Variants in G3BP1 observed in about 807,000 individuals in gnomAD.
G3BP1 encodes ras GTPase-activating protein-binding protein 1.
In G3BP1, 35 loss-of-function variants were observed where a neutral mutation model predicts 58.6. The observed-to-expected ratio is 0.60, with a 90% CI of 0.46 to 0.79. The LOEUF is 0.79. G3BP1 is among the 30% of genes least tolerant of loss of function. The pLI is 0.00. For synonymous variants in G3BP1, 191 were observed against 195.4 expected, an observed-to-expected ratio of 0.98 and a Z score of 0.19; for missense variants, 523 against 580.8, an observed-to-expected ratio of 0.90 and a Z score of 1.02.
Position 151,799,988 on chromosome 5 carries a change from G to A in G3BP1, c.943G>A (p.Gly315Arg). 2.5e-6 allele frequency: 4 copies of A among 1,603,176 alleles called. No homozygotes were observed. The South Asian group carries it at 3.3e-5, about 13-fold the overall frequency. The change falls in exon 9 of 12, where the codon GGA (glycine) becomes AGA (arginine). Residue 315 changes from glycine (G) to arginine (R), a missense_variant. Physicochemically the swap from Gly to Arg is moderately radical, Grantham distance 125 (BLOSUM62 -2). Around this residue, in one of 2 missense-constraint regions of G3BP1, gnomAD observed 398 missense variants for 399.1 expected, o/e 1.00. Transcript: ENST00000356245. Reference protein sequence around the residue: ...EQRINIPPQRGPRPIREAGEQ... With the variant: ...EQRINIPPQRRPRPIREAGEQ... The stretch of plus-strand genomic sequence containing the variant: ...ACGAATAAATATTCCTCCCCAAAGG[G>A]GACCCAGACCAAGTAAGAGCTCAGA...
chr5:151,776,500 C>T (rs1228751565), intron 1 of G3BP1, among the ~76,000 whole-genome samples: 2 of 151,966 alleles, frequency 1.3e-5, no homozygotes, highest in African/African-American at 4.8e-5. Context: ...AAATAAAGTT[C>T]CCCTCCTTAA....
At chr5:151,793,069 C>G (rs1762687897) in intron 4 of G3BP1, among the ~76,000 whole-genome samples, 1 of 152,054 alleles carries the variant, frequency 6.6e-6, no homozygotes, top group Admixed American at 6.6e-5. Context: ...TTTTTGGAGA[C>G]AGACTTGGGG....
chr5:151,807,565 G>GT lies in G3BP1; in HGVS notation c.*3480dup, dbSNP rs971144679. 3.4e-4 allele frequency: 52 copies of GT among 152,246 alleles called. No homozygotes were observed. The highest frequency in any genetic ancestry group is 1.2e-3 in the African/African-American group (51 of 41,542). The allele number at this position is 152,246 out of a possible 1,614,324, so 9.4% of individuals were successfully genotyped here. On this transcript the variant is annotated 3_prime_UTR_variant, in exon 12 of 12. Transcript: ENST00000356245. ...CACAATAATGGTGGTTTGTTTTTAA[G>GT]TTTTTTCTCATCAGGTTTGATAATT...
intron 1 of G3BP1, among the ~76,000 whole-genome samples, chr5:151,774,814 G>C (rs909972653): frequency 6.6e-6 from 1 of 152,094 alleles, no homozygotes; most frequent in Non-Finnish European, 1.5e-5. Flanking sequence ...CAGTACTCCA[G>C]TACAAGCCCT....
At chr5:151,790,266 G>T in intron 2 of G3BP1, 57 bp from the exon 3 acceptor site, 3 of 935,984 alleles carry the variant, frequency 3.2e-6, no homozygotes, top group Non-Finnish European at 4.9e-6. Flanking sequence ...TATCAGACGT[G>T]AAAAATAAAC....
chr5:151,802,394 A>C (rs1467227158), intron 11 of G3BP1, among the ~76,000 whole-genome samples: 2 of 152,170 alleles, frequency 1.3e-5, no homozygotes, highest in Non-Finnish European at 2.9e-5. Context: ...TCCCTTCACT[A>C]ATTTTTTGTG....
intron 7 of G3BP1, among the ~76,000 whole-genome samples, chr5:151,798,526 G>A (rs1319580006): frequency 6.6e-6 from 1 of 152,204 alleles, no homozygotes; most frequent in Non-Finnish European, 1.5e-5. Flanking sequence ...TTTTAAATGT[G>A]CGAGAAAGGT....
At chr5:151,776,842 C>T (rs1357003563) in intron 1 of G3BP1, among the ~76,000 whole-genome samples, 3 of 150,518 alleles carry the variant, frequency 2.0e-5, no homozygotes, top group Non-Finnish European at 4.4e-5. Flanking sequence ...GCTGGGATTA[C>T]AGGTGTGAGC....
At chr5:151,794,735 G>C (rs1010356814) in intron 5 of G3BP1, among the ~76,000 whole-genome samples, 1 of 152,258 alleles carries the variant, frequency 6.6e-6, no homozygotes, top group Non-Finnish European at 1.5e-5. Flanking sequence ...CATGGAAGAT[G>C]TGTAGACACA....
At position 151,804,913 on chromosome 5, in the gene G3BP1, G is replaced by A. The variant is rs1762916227; in HGVS notation, c.*822G>A. 1 of 152,296 alleles carries A rather than the reference G, an allele frequency of 6.6e-6. No individual in the cohort carries two copies. Among genetic ancestry groups the A allele is most frequent in the Non-Finnish European group, 1.5e-5 (1 of 67,946 alleles). 9.4% of individuals were successfully genotyped at this position (152,296 alleles called of 1,614,324 possible). A position where few individuals can be genotyped will look rare whatever the true frequency, so the allele number is the denominator to read the frequency against. On this transcript the variant is annotated 3_prime_UTR_variant, in exon 12 of 12. Coordinates refer to ENST00000356245, the MANE Select transcript of G3BP1 (RefSeq NM_005754.3). The stretch of plus-strand genomic sequence containing the variant: ...TGCCTTCTATTTATCTTTGATTTCA[G>A]TCTTGGCAATTGTTTAAAAAAAAAA...
intron 1 of G3BP1, among the ~76,000 whole-genome samples, chr5:151,773,179 T>A (rs559325666): frequency 3.9e-5 from 6 of 152,244 alleles, no homozygotes; most frequent in African/African-American, 1.4e-4. Flanking sequence ...ACTTTTTTTT[T>A]AATTGGAGGA....
intron 8 of G3BP1, 24 bp from the exon 9 acceptor site, chr5:151,799,865 A>G: frequency 7.1e-7 from 1 of 1,404,414 alleles, no homozygotes; most frequent in Non-Finnish European, 1.0e-6. Flanking sequence ...GTTTTAACAC[A>G]AAAGTTAACT....
intron 4 of G3BP1, among the ~76,000 whole-genome samples, chr5:151,793,729 C>T (rs1316464089): frequency 6.7e-6 from 1 of 148,878 alleles, no homozygotes; most frequent in African/African-American, 2.5e-5. Context: ...CATGCTGGCT[C>T]ATACCCATAA....
intron 10 of G3BP1, 36 bp downstream of exon 10, chr5:151,800,382 G>A (rs1420644876): frequency 3.2e-6 from 5 of 1,549,678 alleles, no homozygotes; most frequent in East Asian, 2.2e-5. Context: ...AATTCATCTA[G>A]TGTCTCTCTA....
chr5:151,799,146 A>T, intron 7 of G3BP1, 66 bp from the exon 8 acceptor site: 1 of 808,976 alleles, frequency 1.2e-6, no homozygotes, highest in Middle Eastern at 2.2e-4. Flanking sequence ...GGAAATCAAG[A>T]GTTAGTAGCT....
chr5:151,781,121 T>C (rs935731804), intron 1 of G3BP1, among the ~76,000 whole-genome samples: 3 of 152,176 alleles, frequency 2.0e-5, no homozygotes, highest in African/African-American at 7.2e-5. Context: ...ATTTCATGAA[T>C]GCATAAAATA....
intron 10 of G3BP1, 108 bp from the exon 11 acceptor site, chr5:151,800,652 A>G: frequency 2.8e-6 from 2 of 725,414 alleles, no homozygotes; most frequent in South Asian, 1.7e-5. Context: ...TTATAATTCA[A>G]GTGCTCAGTA....
At chr5:151,788,799 CAG>C (rs202223739) in intron 2 of G3BP1, among the ~76,000 whole-genome samples, 2,285 of 148,672 alleles carry the variant, frequency 0.015, 26 homozygotes, top group Middle Eastern at 0.027. Flanking sequence ...TTTCTGGAGA[CAG>C]AGTTTTGCTC....
At position 151,804,069 on chromosome 5, in the gene G3BP1, G is replaced by A; in HGVS notation, c.1379G>A (p.Arg460Lys). 1 of 1,609,158 alleles carries A rather than the reference G, an allele frequency of 6.2e-7. No homozygotes were observed. The highest frequency in any genetic ancestry group is 1.3e-5 in the African/African-American group (1 of 74,944). The change falls in exon 12 of 12, where the codon AGG becomes AAG. Residue 460 changes from arginine to lysine, a missense_variant. By Grantham distance (26) the Arg-to-Lys change is conservative. Around this residue, in one of 2 missense-constraint regions of G3BP1, gnomAD observed 125 missense variants for 181.7 expected, o/e 0.69. Transcript: ENST00000356245. The part of the protein sequence containing the change: ...MVQKPGFGVG[R>K]GLAPRQ ...CAGAAACCAGGATTTGGAGTGGGAA[G>A]GGGGCTTGCGCCACGGCAGTGAATC...
Sources: allele counts gnomAD v4.1 joint callset (sites outside exome capture counted in the v4.1 genomes callset), GRCh38; gene constraint gnomAD v4.1.1; regional missense constraint gnomAD v4.1.1; transcripts MANE v1.5; gene names NCBI Gene and HGNC (gene_info 2026-07-23, HGNC 2026-07-21).